TMEM117: variants seen among roughly 807,000 people sequenced by gnomAD.
The protein encoded by TMEM117 is transmembrane protein 117.
TMEM117 carries 27 observed loss-of-function variants against 52.4 expected under a neutral mutation model. That is an observed-to-expected ratio of 0.51 (90% confidence interval 0.38 to 0.71). TMEM117 has a LOEUF of 0.71. Among genes scored for constraint, TMEM117 ranks in the 30% least tolerant of loss-of-function variants. TMEM117 has a pLI of 0.00. For synonymous variants in TMEM117, 215 were observed against 206.3 expected (o/e 1.04, Z -0.36); for missense variants, 556 against 630.5 (o/e 0.88, Z 1.26).
intron 2 of TMEM117, among the ~76,000 whole-genome samples, chr12:43,889,945 T>A (rs1038696561): frequency 6.6e-6 from 1 of 152,118 alleles, no homozygotes; most frequent in African/African-American, 2.4e-5. Context: ...AGGGTCCCTA[T>A]GAGCACCACA....
chr12:44,318,089 C>T (rs1053428638), intron 6 of TMEM117, among the ~76,000 whole-genome samples: 1 of 152,184 alleles, frequency 6.6e-6, no homozygotes, highest in African/African-American at 2.4e-5. Flanking sequence ...ACCTGGAGAT[C>T]TTCCTGGGCA....
intron 3 of TMEM117, among the ~76,000 whole-genome samples, chr12:43,994,197 G>C (rs1001467585): frequency 2.6e-5 from 4 of 152,220 alleles, no homozygotes; most frequent in African/African-American, 9.6e-5. Flanking sequence ...AGGGACCATC[G>C]TATTAAAAGT....
intron 5 of TMEM117, among the ~76,000 whole-genome samples, chr12:44,259,372 A>G (rs1418880333): frequency 6.6e-6 from 1 of 152,178 alleles, no homozygotes; most frequent in Non-Finnish European, 1.5e-5. Flanking sequence ...CATGTTTAAT[A>G]TGATTATTAC....
At chr12:44,013,115 A>G (rs1165395467) in intron 3 of TMEM117, among the ~76,000 whole-genome samples, 1 of 151,156 alleles carries the variant, frequency 6.6e-6, no homozygotes, top group African/African-American at 2.4e-5. Context: ...CGCTGCCTTA[A>G]CCTCCCAGCC....
intron 3 of TMEM117, among the ~76,000 whole-genome samples, chr12:44,136,582 G>T (rs1463503435): frequency 6.6e-6 from 1 of 151,902 alleles, no homozygotes; most frequent in African/African-American, 2.4e-5. Context: ...TTTTCATATG[G>T]ATAAAATAAA....
chr12:44,218,602 A>T (rs1442085922), intron 5 of TMEM117, among the ~76,000 whole-genome samples: 3 of 152,206 alleles, frequency 2.0e-5, no homozygotes, highest in Admixed American at 6.5e-5. Flanking sequence ...CTTCTTTTCA[A>T]CATAGTACTA....
chr12:44,074,844 G>C (rs1947356446), intron 3 of TMEM117, among the ~76,000 whole-genome samples: 1 of 152,132 alleles, frequency 6.6e-6, no homozygotes, highest in Admixed American at 6.6e-5. Context: ...TTGTTTCCTA[G>C]AATCCTTAAG....
intron 2 of TMEM117, among the ~76,000 whole-genome samples, chr12:43,926,896 A>G (rs1238042674): frequency 4.0e-5 from 6 of 151,870 alleles, no homozygotes; most frequent in South Asian, 4.1e-4. Context: ...TTGATCCTCT[A>G]TATTTTATTT....
intron 3 of TMEM117, among the ~76,000 whole-genome samples, chr12:43,948,875 C>T (rs945121313): frequency 6.6e-5 from 10 of 152,098 alleles, no homozygotes; most frequent in Admixed American, 5.2e-4. Flanking sequence ...TCTGAAAACT[C>T]GGGCGGTAAG....
intron 3 of TMEM117, among the ~76,000 whole-genome samples, chr12:44,128,234 TTGTC>T (rs1462361609): frequency 2.6e-5 from 4 of 152,232 alleles, no homozygotes; most frequent in African/African-American, 9.6e-5. Flanking sequence ...TTCTCTTCCT[TTGTC>T]TGTCTGTTTT....
intron 5 of TMEM117, among the ~76,000 whole-genome samples, chr12:44,238,141 A>G (rs1592631035): frequency 6.6e-6 from 1 of 152,224 alleles, no homozygotes; most frequent in East Asian, 1.9e-4. Context: ...AGGAAATTAC[A>G]GATAAGAAGT....
At chr12:44,284,985 A>G (rs1478257509) in intron 5 of TMEM117, among the ~76,000 whole-genome samples, 1 of 152,224 alleles carries the variant, frequency 6.6e-6, no homozygotes, top group Non-Finnish European at 1.5e-5. Flanking sequence ...TACAATAAAT[A>G]CAATTATTTC....
chr12:44,160,648 TA>T (rs897845388), intron 4 of TMEM117, among the ~76,000 whole-genome samples: 41 of 151,872 alleles, frequency 2.7e-4, no homozygotes, highest in African/African-American at 8.9e-4. Context: ...ACAAAAAATT[TA>T]AAATTAGCTG....
chr12:44,249,877 A>G (rs1199660624), intron 5 of TMEM117, among the ~76,000 whole-genome samples: 1 of 152,218 alleles, frequency 6.6e-6, no homozygotes, highest in East Asian at 1.9e-4. Context: ...AGGACTTAAA[A>G]CCATAAAAAC....
chr12:44,100,040 T>C (rs1947835944), intron 3 of TMEM117, among the ~76,000 whole-genome samples: 1 of 152,002 alleles, frequency 6.6e-6, no homozygotes, highest in South Asian at 2.1e-4. Context: ...AATGATTCTT[T>C]TAGGGCAAAG....
At chr12:44,239,717 G>A (rs137946828) in intron 5 of TMEM117, among the ~76,000 whole-genome samples, 2 of 152,024 alleles carry the variant, frequency 1.3e-5, no homozygotes, top group Non-Finnish European at 2.9e-5. Flanking sequence ...AATGGTACCA[G>A]TATGACAATT....
intron 4 of TMEM117, among the ~76,000 whole-genome samples, chr12:44,181,328 C>A (rs1448013067): frequency 6.6e-6 from 1 of 152,062 alleles, no homozygotes; most frequent in African/African-American, 2.4e-5. Flanking sequence ...ATGGTAGTTT[C>A]TTTTGCTATG....
intron 3 of TMEM117, among the ~76,000 whole-genome samples, chr12:44,105,417 G>T (rs1460144367): frequency 6.6e-6 from 1 of 151,902 alleles, no homozygotes; most frequent in Non-Finnish European, 1.5e-5. Context: ...AGTTCTTAAA[G>T]AAAATTTCTG....
At chr12:44,104,394 T>G (rs1351903909) in intron 3 of TMEM117, among the ~76,000 whole-genome samples, 1 of 151,962 alleles carries the variant, frequency 6.6e-6, no homozygotes, top group Non-Finnish European at 1.5e-5. Flanking sequence ...CTTAAATGTT[T>G]CAGTCAACTG....
Sources: allele counts gnomAD v4.1 joint callset (sites outside exome capture counted in the v4.1 genomes callset), GRCh38; gene constraint gnomAD v4.1.1; transcripts MANE v1.5; gene names NCBI Gene and HGNC (gene_info 2026-07-23, HGNC 2026-07-21).